NELL1: variants seen among roughly 807,000 people sequenced by gnomAD.
NELL1 encodes the protein protein kinase C-binding protein NELL1.
Under a neutral mutation model 107.4 loss-of-function variants are expected in NELL1, and 76 were observed. The observed-to-expected ratio is 0.71, with a 90% CI of 0.59 to 0.86. The LOEUF is 0.86. NELL1 is among the 40% of genes least tolerant of loss of function. The probability of loss-of-function intolerance (pLI) is 0.00; values close to 1 mark genes in which losing one functional copy is unlikely to be tolerated. For missense variants in NELL1, 1,024 were observed against 1,005.5 expected (o/e 1.02, Z -0.25); for synonymous variants, 353 against 341.2 (o/e 1.03, Z -0.38).
At chr11:21,077,180 T>C (rs1325326588) in intron 12 of NELL1, among the ~76,000 whole-genome samples, 1 of 152,010 alleles carries the variant, frequency 6.6e-6, no homozygotes, top group Non-Finnish European at 1.5e-5. Context: ...AAAAGGAAAA[T>C]AAATGAGCTA....
intron 13 of NELL1, among the ~76,000 whole-genome samples, chr11:21,141,720 C>T (rs954946918): frequency 6.6e-6 from 1 of 151,362 alleles, no homozygotes; most frequent in Non-Finnish European, 1.5e-5. Context: ...CCATTGTATA[C>T]CCTCCTCCTC....
chr11:20,745,258 C>T (rs1316567669), intron 2 of NELL1, among the ~76,000 whole-genome samples: 1 of 152,100 alleles, frequency 6.6e-6, no homozygotes, highest in Non-Finnish European at 1.5e-5. Context: ...TTTTATATGC[C>T]TTAAAGCCCA....
chr11:20,951,960 T>C (rs1423832930), intron 11 of NELL1, among the ~76,000 whole-genome samples: 4 of 151,920 alleles, frequency 2.6e-5, no homozygotes, highest in African/African-American at 9.7e-5. Context: ...TGGAATAACA[T>C]CTGGGCTCCT....
intron 12 of NELL1, among the ~76,000 whole-genome samples, chr11:20,998,189 G>T (rs57263312): frequency 0.12 from 17,569 of 151,868 alleles, 3,234 homozygotes; most frequent in African/African-American, 0.39. Flanking sequence ...CTTTGTGTAT[G>T]TATATATGTG....
chr11:21,293,554 C>T (rs944522112), intron 14 of NELL1, among the ~76,000 whole-genome samples: 10 of 152,078 alleles, frequency 6.6e-5, no homozygotes, highest in African/African-American at 7.2e-5. Flanking sequence ...CCAGAAATAC[C>T]ATTTGACCCA....
intron 16 of NELL1, among the ~76,000 whole-genome samples, chr11:21,541,865 T>C (rs118122648): frequency 0.016 from 2,449 of 152,178 alleles, 25 homozygotes; most frequent in African/African-American, 0.026. Flanking sequence ...TTCACCTCAG[T>C]TCCCTCACCT....
At chr11:21,560,746 CTT>C in intron 17 of NELL1, among the ~76,000 whole-genome samples, 1 of 152,104 alleles carries the variant, frequency 6.6e-6, no homozygotes, top group East Asian at 1.9e-4. Context: ...TAAAACTACT[CTT>C]TGCCTAAAAT....
intron 4 of NELL1, among the ~76,000 whole-genome samples, chr11:20,872,110 C>A (rs1480373579): frequency 4.0e-5 from 6 of 151,400 alleles, no homozygotes; most frequent in African/African-American, 1.5e-4. Flanking sequence ...GCAGGAGCTC[C>A]CAGCCAAGCC....
intron 12 of NELL1, among the ~76,000 whole-genome samples, chr11:21,038,512 G>A (rs1181250242): frequency 6.6e-6 from 1 of 152,150 alleles, no homozygotes; most frequent in Non-Finnish European, 1.5e-5. Flanking sequence ...TTTGGACTGA[G>A]GTAAACAGGG....
At chr11:21,397,193 A>G (rs1479363601) in intron 15 of NELL1, among the ~76,000 whole-genome samples, 1 of 151,640 alleles carries the variant, frequency 6.6e-6, no homozygotes, top group African/African-American at 2.4e-5. Context: ...TGTAAAGACT[A>G]TGCTAACTTT....
intron 12 of NELL1, among the ~76,000 whole-genome samples, chr11:20,979,948 C>A (rs1851716234): frequency 1.3e-5 from 2 of 152,090 alleles, no homozygotes; most frequent in African/African-American, 4.8e-5. Flanking sequence ...AAGAACAGGA[C>A]CTTCTTAAGG....
chr11:21,478,637 T>C (rs558567612), intron 15 of NELL1, among the ~76,000 whole-genome samples: 66 of 149,972 alleles, frequency 4.4e-4, no homozygotes, highest in Non-Finnish European at 7.5e-4. Context: ...TCTTGAGTAA[T>C]ACCCCACAAG....
chr11:21,029,484 TCAC>T (rs943468623), intron 12 of NELL1, among the ~76,000 whole-genome samples: 2 of 151,974 alleles, frequency 1.3e-5, no homozygotes, highest in Non-Finnish European at 2.9e-5. Flanking sequence ...CCTGTTATCA[TCAC>T]CACCACCACC....
At chr11:20,920,996 T>C (rs1268863480) in intron 7 of NELL1, among the ~76,000 whole-genome samples, 1 of 152,142 alleles carries the variant, frequency 6.6e-6, no homozygotes, top group Non-Finnish European at 1.5e-5. Flanking sequence ...TACTTCCATC[T>C]TTGCTGTGTA....
chr11:21,536,617 G>A (rs1033215568), intron 16 of NELL1, among the ~76,000 whole-genome samples: 35 of 152,088 alleles, frequency 2.3e-4, no homozygotes, highest in African/African-American at 4.3e-4. Flanking sequence ...ATTGAGCAGC[G>A]AATGGGCTTT....
intron 14 of NELL1, among the ~76,000 whole-genome samples, chr11:21,313,113 C>A (rs1164914684): frequency 6.6e-6 from 1 of 151,442 alleles, no homozygotes; most frequent in Non-Finnish European, 1.5e-5. Flanking sequence ...GAGACAGATC[C>A]CTTGTCAGCT....
intron 13 of NELL1, among the ~76,000 whole-genome samples, chr11:21,228,037 A>G (rs551096681): frequency 6.6e-6 from 1 of 152,198 alleles, no homozygotes; most frequent in Admixed American, 6.5e-5. Context: ...TGTTCCAATT[A>G]GTGTTATTTC....
At chr11:21,476,764 G>A (rs974438167) in intron 15 of NELL1, among the ~76,000 whole-genome samples, 1 of 152,136 alleles carries the variant, frequency 6.6e-6, no homozygotes, top group African/African-American at 2.4e-5. Flanking sequence ...TAGCGGCATA[G>A]TGCAAAGAGA....
intron 15 of NELL1, among the ~76,000 whole-genome samples, chr11:21,476,096 C>T (rs1854326060): frequency 6.6e-6 from 1 of 152,104 alleles, no homozygotes; most frequent in Admixed American, 6.6e-5. Flanking sequence ...AATTAACTTA[C>T]TTAACCAGGA....
Sources: allele counts gnomAD v4.1 joint callset (sites outside exome capture counted in the v4.1 genomes callset), GRCh38; gene constraint gnomAD v4.1.1; transcripts MANE v1.5; gene names NCBI Gene and HGNC (gene_info 2026-07-23, HGNC 2026-07-21).